PVT1: variants seen among roughly 807,000 people sequenced by gnomAD.
PVT1 encodes the protein CXCR4/PVT1 fusion.
chr8:127,807,432 C>T (rs1226720741), intron 2 of PVT1, among the ~76,000 whole-genome samples: 1 of 152,192 alleles, frequency 6.6e-6, no homozygotes, highest in South Asian at 2.1e-4. Flanking sequence ...TTTCCAGGCT[C>T]AAGTGATTCT....
intron 5 of PVT1, among the ~76,000 whole-genome samples, chr8:128,082,023 G>A (rs762847680): frequency 6.6e-6 from 1 of 152,122 alleles, no homozygotes; most frequent in Non-Finnish European, 1.5e-5. Context: ...ATAGCCCAAA[G>A]ACGCCCAAAA....
At chr8:127,987,485 C>G (rs1816982957) in intron 3 of PVT1, among the ~76,000 whole-genome samples, 1 of 152,212 alleles carries the variant, frequency 6.6e-6, no homozygotes, top group Non-Finnish European at 1.5e-5. Flanking sequence ...TCATTTCCTC[C>G]TGGGAGGAGA....
intron 2 of PVT1, among the ~76,000 whole-genome samples, chr8:127,877,126 C>A (rs6470589): frequency 6.6e-6 from 1 of 151,758 alleles, no homozygotes; most frequent in African/African-American, 2.4e-5. Context: ...CCGAGGAGGA[C>A]AACTCCCCAG....
chr8:128,075,329 T>A (rs1324246458), intron 5 of PVT1, among the ~76,000 whole-genome samples: 1 of 152,232 alleles, frequency 6.6e-6, no homozygotes, highest in Non-Finnish European at 1.5e-5. Flanking sequence ...TTAGAACATA[T>A]TCTTGTGGTC....
At chr8:127,856,692 T>G (rs1815164395) in intron 2 of PVT1, among the ~76,000 whole-genome samples, 1 of 151,830 alleles carries the variant, frequency 6.6e-6, no homozygotes, top group African/African-American at 2.4e-5. Flanking sequence ...TAAAATGGAG[T>G]TTTTGTTGAA....
At chr8:128,028,863 G>A (rs1813355953) in intron 4 of PVT1, among the ~76,000 whole-genome samples, 4 of 151,944 alleles carry the variant, frequency 2.6e-5, no homozygotes, top group Admixed American at 2.6e-4. Flanking sequence ...TTATTTTGGG[G>A]ACAGGGTCTT....
chr8:127,923,112 C>T (rs1816082603), intron 3 of PVT1, among the ~76,000 whole-genome samples: 2 of 152,134 alleles, frequency 1.3e-5, no homozygotes, highest in Non-Finnish European at 2.9e-5. Context: ...GCTGGGTAGA[C>T]CAGTGAGGAG....
chr8:128,010,264 G>A (rs1817297424), intron 4 of PVT1: 1 of 152,060 alleles, frequency 6.6e-6, no homozygotes, highest in Non-Finnish European at 1.5e-5. Context: ...AAACTCCCTG[G>A]TGCTTTTCTC....
chr8:127,835,212 A>T (rs1293303045), intron 2 of PVT1, among the ~76,000 whole-genome samples: 1 of 152,198 alleles, frequency 6.6e-6, no homozygotes, highest in Admixed American at 6.6e-5. Context: ...CCCATCACTG[A>T]TAGACTGGAT....
chr8:127,810,918 G>C lies in PVT1; in HGVS notation n.372+14847G>C, dbSNP rs373306203. On this transcript the variant is annotated intron_variant and non_coding_transcript_variant, in intron 2 of 10. Coordinates refer to ENST00000651587, the Ensembl canonical transcript of PVT1. ...CTGCTTGATCCCCTCCCAGCACCAT[G>C]TGTGTGAGTTCTCACAGCTCACACC... is the stretch of plus-strand genomic sequence containing the variant. Among the ~76,000 whole-genome samples the C allele has an allele frequency of 6.6e-5, 10 of 152,154 alleles. No homozygotes were observed. In the East Asian group the frequency reaches 1.7e-3, roughly 27 times the overall value.
chr8:127,937,354 T>C (rs976591062), intron 3 of PVT1, among the ~76,000 whole-genome samples: 2 of 151,902 alleles, frequency 1.3e-5, no homozygotes, highest in Non-Finnish European at 2.9e-5. Flanking sequence ...TTCAAGTGAT[T>C]TTTGTGCCTC....
intron 2 of PVT1, among the ~76,000 whole-genome samples, chr8:127,867,609 C>A (rs945422778): frequency 1.1e-4 from 16 of 152,302 alleles, no homozygotes; most frequent in Admixed American, 1.0e-3. Context: ...ATGGTAATGC[C>A]CTCTGGGCTG....
At chr8:127,854,049 A>G (rs1815136059) in intron 2 of PVT1, among the ~76,000 whole-genome samples, 1 of 152,170 alleles carries the variant, frequency 6.6e-6, no homozygotes, top group South Asian at 2.1e-4. Context: ...GCCTGCTGGT[A>G]TCCCAGCCAT....
In PVT1 at chr8:127,880,600, T is replaced by C. The variant is rs1815455054; in HGVS notation, n.373-9989T>C. On this transcript the variant is annotated intron_variant and non_coding_transcript_variant, in intron 2 of 10. Transcript: ENST00000651587. The stretch of plus-strand genomic sequence containing the variant: ...CATGAGCCATCGCCCCCGGCCCTTT[T>C]TTTTTTTTTTTTTTTTCCGAGATGG... 2.2e-5 allele frequency among the ~76,000 whole-genome samples: 3 copies of C among 138,964 alleles called. No individual in the cohort carries two copies. In the South Asian group the frequency reaches 7.3e-4, roughly 34 times the overall value. 91.2% of individuals were successfully genotyped at this position (138,964 alleles called of 152,430 possible).
intron 4 of PVT1, among the ~76,000 whole-genome samples, chr8:128,066,371 G>A (rs1302713390): frequency 3.3e-5 from 5 of 152,200 alleles, no homozygotes; most frequent in Non-Finnish European, 7.3e-5. Flanking sequence ...AGGCTGCCAC[G>A]TTGGCCTGGT....
At position 127,880,760 on chromosome 8, in the gene PVT1, C is replaced by A. The variant is rs530375774; in HGVS notation, n.373-9829C>A. On this transcript the variant is annotated intron_variant and non_coding_transcript_variant, in intron 2 of 10. Transcript: ENST00000651587. Reference sequence around the variant, plus strand: ...CGACTATAGGCGTGCACCACCATGACTGGCTAATTTTTTGTACTTTAGTAG... The same window carrying A: ...CGACTATAGGCGTGCACCACCATGAATGGCTAATTTTTTGTACTTTAGTAG... 1.3e-4 allele frequency among the ~76,000 whole-genome samples: 20 copies of A among 152,244 alleles called. No individual in the cohort carries two copies. The South Asian group carries it at 4.2e-3, about 32-fold the overall frequency.
At chr8:127,904,707 A>G (rs564701539) in intron 3 of PVT1, among the ~76,000 whole-genome samples, 2 of 152,266 alleles carry the variant, frequency 1.3e-5, no homozygotes, top group East Asian at 1.9e-4. Flanking sequence ...TTATGCTTCC[A>G]TTTTACCACT....
intron 2 of PVT1, among the ~76,000 whole-genome samples, chr8:127,859,907 A>G (rs971502505): frequency 2.6e-5 from 4 of 151,972 alleles, no homozygotes; most frequent in Non-Finnish European, 4.4e-5. Context: ...TGAGTCATAC[A>G]GATCCTGAGG....
At chr8:127,937,440 G>T (rs1563644467) in intron 3 of PVT1, among the ~76,000 whole-genome samples, 1 of 151,484 alleles carries the variant, frequency 6.6e-6, no homozygotes, top group African/African-American at 2.4e-5. Context: ...GTAGAGACAG[G>T]GTTTTGCCAT....
Sources: gnomAD v4.1 joint callset for allele counts (sites outside exome capture counted in the v4.1 genomes callset) on GRCh38, gnomAD v4.1.1 for gene constraint, MANE v1.5 for transcripts, NCBI Gene and HGNC (gene_info 2026-07-23, HGNC 2026-07-21) for gene names.